The following ANK3 variants were observed in gnomAD, a reference collection of about 807,000 sequenced individuals.
The protein encoded by ANK3 is ankyrin-3.
A neutral mutation model predicts 370.9 loss-of-function variants in ANK3; 57 were observed. The ratio of observed to expected loss-of-function variants is 0.15; its 90% CI spans 0.12 to 0.19. The LOEUF (loss-of-function observed/expected upper bound fraction) is 0.19, where lower values mean the gene tolerates loss of function less well. ANK3 is among the 10% of genes least tolerant of loss of function. The pLI is 1.00. For synonymous variants in ANK3, 1,929 were observed against 1,946.3 expected (o/e 0.99, Z 0.23); for missense variants, 4,439 against 5,302.1 (o/e 0.84, Z 5.06).
chr10:60,406,360 G>A (rs919346164), intron 2 of ANK3, among the ~76,000 whole-genome samples: 3 of 152,170 alleles, frequency 2.0e-5, no homozygotes, highest in Non-Finnish European at 1.5e-5. Flanking sequence ...ACAAGGGACT[G>A]GTTTCATAAA....
rs2082125934 is a variant in ANK3, at chr10:60,068,828, T to C, written c.12053A>G (p.Glu4018Gly). ...GGACAACTCGGACTGCATCTTTTTT[T>C]CTTCTTCAGAGAGGCGGTCCACAAG... ...LKLVDRLSEE[E>G]KKMQSELSDE... is the part of the protein sequence containing the mutation. The change falls in exon 37 of 44, where the codon GAA becomes GGA. Residue 4018 changes from glutamate (E) to glycine (G), a missense_variant. By Grantham distance (98) the Glu-to-Gly change is moderately conservative. Coordinates refer to ENST00000280772, the MANE Select transcript of ANK3 (RefSeq NM_020987.5). The C allele has an allele frequency of 6.2e-7, 1 of 1,614,092 alleles. No homozygotes were observed. The highest frequency in any genetic ancestry group is 1.3e-5 in the African/African-American group (1 of 74,936).
At chr10:60,619,577 A>G (rs2078308875) in intron 1 of ANK3, among the ~76,000 whole-genome samples, 1 of 152,222 alleles carries the variant, frequency 6.6e-6, no homozygotes, top group Admixed American at 6.6e-5. Context: ...TGACATTAGT[A>G]AAAATGGAAA....
At chr10:60,570,127 G>T (rs922026089) in intron 2 of ANK3, among the ~76,000 whole-genome samples, 15 of 152,320 alleles carry the variant, frequency 9.8e-5, no homozygotes, top group African/African-American at 3.6e-4. Context: ...ATATGTATCT[G>T]CTCTAACACT....
intron 2 of ANK3, among the ~76,000 whole-genome samples, chr10:60,513,052 C>T (rs1451369330): frequency 6.6e-6 from 1 of 152,074 alleles, no homozygotes; most frequent in Non-Finnish European, 1.5e-5. Context: ...AAAAAATTGA[C>T]AGAAATCTGA....
At chr10:60,567,669 A>C (rs1596194) in intron 2 of ANK3, among the ~76,000 whole-genome samples, 71,623 of 151,996 alleles carry the variant, frequency 0.47, 17,267 homozygotes, top group Non-Finnish European at 0.52. Context: ...TGCCATAAGT[A>C]GTTGTTTGTC....
chr10:60,326,998 C>G (rs752459132), intron 1 of ANK3, among the ~76,000 whole-genome samples: 5 of 145,958 alleles, frequency 3.4e-5, no homozygotes, highest in African/African-American at 1.4e-4. Context: ...CCAGCCTGGG[C>G]GACCGAGACT....
At chr10:60,387,222 A>G (rs1461093228) in intron 1 of ANK3, among the ~76,000 whole-genome samples, 1 of 152,178 alleles carries the variant, frequency 6.6e-6, no homozygotes, top group African/African-American at 2.4e-5. Context: ...TCCCCATAAT[A>G]ACCCACAAAA....
chr10:60,475,440 C>T (rs2075037330), intron 2 of ANK3, among the ~76,000 whole-genome samples: 1 of 152,132 alleles, frequency 6.6e-6, no homozygotes, highest in Admixed American at 6.6e-5. Context: ...TTTGTCACAT[C>T]AGCTCTATAG....
At chr10:60,385,578 C>G (rs2062145531) in intron 1 of ANK3, among the ~76,000 whole-genome samples, 1 of 152,084 alleles carries the variant, frequency 6.6e-6, no homozygotes, top group Non-Finnish European at 1.5e-5. Context: ...TACATGAATA[C>G]AAGAATGAAG....
intron 2 of ANK3, among the ~76,000 whole-genome samples, chr10:60,490,451 C>T (rs1283510848): frequency 6.6e-6 from 1 of 151,678 alleles, no homozygotes; most frequent in Non-Finnish European, 1.5e-5. Flanking sequence ...AACTGTTGTC[C>T]TGCCTTCCTA....
chr10:60,217,520 C>T (rs549378717), intron 8 of ANK3, among the ~76,000 whole-genome samples: 1 of 152,130 alleles, frequency 6.6e-6, no homozygotes, highest in Non-Finnish European at 1.5e-5. Flanking sequence ...AATGTTTACC[C>T]AGGAGTCATT....
At chr10:60,185,766 T>C (rs117312428) in intron 17 of ANK3, among the ~76,000 whole-genome samples, 4,843 of 152,194 alleles carry the variant, frequency 0.032, 112 homozygotes, top group South Asian at 0.078. Context: ...GTGTTTTGGG[T>C]CAATCTTAAT....
rs148948168 is a variant in ANK3, at chr10:60,666,244, G to A, written c.58-51020C>T. On this transcript the variant is annotated intron_variant, in intron 1 of 43. Transcript: ENST00000373827. The stretch of plus-strand genomic sequence containing the variant: ...AACAAGAAAAGAAATTGTGACACAT[G>A]CTACAGCGTGGATGAACCTTAAAGA... Among the ~76,000 whole-genome samples the A allele has an allele frequency of 3.6e-3, 549 of 152,300 alleles. 5 individuals are homozygous for A. The highest frequency in any genetic ancestry group is 0.013 in the African/African-American group (525 of 41,578).
chr10:60,467,639 T>A (rs967904402), intron 2 of ANK3, among the ~76,000 whole-genome samples: 1 of 152,160 alleles, frequency 6.6e-6, no homozygotes, highest in Non-Finnish European at 1.5e-5. Context: ...AAATACATTC[T>A]TTTTTTATAA....
At chr10:60,323,296 C>T (rs2049073570) in intron 1 of ANK3, among the ~76,000 whole-genome samples, 1 of 152,110 alleles carries the variant, frequency 6.6e-6, no homozygotes. Context: ...CCTTTAGCTC[C>T]CATCAGTCAC....
chr10:60,059,951 T>A, intron 40 of ANK3: 1 of 1,613,388 alleles, frequency 6.2e-7, no homozygotes, highest in Non-Finnish European at 8.5e-7. Flanking sequence ...AAGGGGTAGG[T>A]GGTGTGTAGT....
intron 1 of ANK3, among the ~76,000 whole-genome samples, chr10:60,338,675 G>A (rs575943927): frequency 4.9e-4 from 74 of 152,240 alleles, no homozygotes; most frequent in African/African-American, 1.7e-3. Flanking sequence ...GATTTATAAG[G>A]TAGAGGAGAC....
intron 6 of ANK3, among the ~76,000 whole-genome samples, chr10:60,262,262 T>C (rs2097818745): frequency 6.6e-6 from 1 of 152,238 alleles, no homozygotes; most frequent in Admixed American, 6.5e-5. Flanking sequence ...GAAAAATCTT[T>C]ATAGCTGATA....
At chr10:60,595,111 TTTTTTAAAAATTGA>T (rs1156327526) in intron 2 of ANK3, among the ~76,000 whole-genome samples, 2 of 152,200 alleles carry the variant, frequency 1.3e-5, no homozygotes, top group African/African-American at 2.4e-5. Context: ...AAAATCTATT[TTTTTTAAAAATTGA>T]TGAACAGTAG....
Sources: gnomAD v4.1 joint callset for allele counts (sites outside exome capture counted in the v4.1 genomes callset) on GRCh38, gnomAD v4.1.1 for gene constraint, MANE v1.5 for transcripts, NCBI Gene and HGNC (gene_info 2026-07-23, HGNC 2026-07-21) for gene names.